Variants in ATF2 observed in about 807,000 individuals in gnomAD.
ATF2 encodes the protein cyclic AMP-dependent transcription factor ATF-2.
In ATF2, 24 loss-of-function variants were observed where a neutral mutation model predicts 60.6. That is an observed-to-expected ratio of 0.40 (90% CI 0.29 to 0.56). The LOEUF is 0.56. ATF2 is among the 20% of genes least tolerant of loss of function. The probability of loss-of-function intolerance (pLI) is 0.54; values close to 1 mark genes in which losing one functional copy is unlikely to be tolerated. For synonymous variants in ATF2, 206 were observed against 215.4 expected (o/e 0.96, Z 0.38); for missense variants, 433 against 607.7 (o/e 0.71, Z 3.02).
chr2:175,159,273 C>T (rs1034598889), intron 1 of ATF2, among the ~76,000 whole-genome samples: 4 of 151,878 alleles, frequency 2.6e-5, no homozygotes, highest in Non-Finnish European at 5.9e-5. Flanking sequence ...GAGCTGAGAA[C>T]CTACCACTGT....
At chr2:175,103,387 T>C (rs1005685464) in intron 10 of ATF2, among the ~76,000 whole-genome samples, 1 of 152,170 alleles carries the variant, frequency 6.6e-6, no homozygotes, top group Non-Finnish European at 1.5e-5. Context: ...TCAGTCCTCA[T>C]GAAATCTTGT....
At chr2:175,090,559 A>G (rs1187165128) in intron 12 of ATF2, among the ~76,000 whole-genome samples, 1 of 152,054 alleles carries the variant, frequency 6.6e-6, no homozygotes, top group East Asian at 1.9e-4. Flanking sequence ...ATCATTTTGG[A>G]TCCTATTTTA....
At chr2:175,111,114 T>C (rs1477846711) in intron 10 of ATF2, among the ~76,000 whole-genome samples, 1 of 152,078 alleles carries the variant, frequency 6.6e-6, no homozygotes. Flanking sequence ...AAAATACACA[T>C]CTAAACATTA....
intron 2 of ATF2, among the ~76,000 whole-genome samples, chr2:175,137,468 C>T (rs546071676): frequency 6.6e-6 from 1 of 152,148 alleles, no homozygotes; most frequent in Admixed American, 6.5e-5. Context: ...TTAACACCTA[C>T]AACAGCGCCT....
At chr2:175,167,180 CCT>C (rs961222135) in intron 1 of ATF2, among the ~76,000 whole-genome samples, 7 of 152,144 alleles carry the variant, frequency 4.6e-5, no homozygotes, top group African/African-American at 1.4e-4. Context: ...CCCAGCTCCT[CCT>C]CTCTTTTTCC....
At chr2:175,090,709 C>T (rs1453652501) in intron 12 of ATF2, among the ~76,000 whole-genome samples, 1 of 151,936 alleles carries the variant, frequency 6.6e-6, no homozygotes, top group African/African-American at 2.4e-5. Context: ...TAGTGATTTC[C>T]TAAATTTAGC....
At chr2:175,083,826 T>C (rs1693942428) in intron 12 of ATF2, among the ~76,000 whole-genome samples, 1 of 152,052 alleles carries the variant, frequency 6.6e-6, no homozygotes, top group Non-Finnish European at 1.5e-5. Context: ...CATCCAAAAC[T>C]GGGCAAAGGA....
chr2:175,149,082 C>T (rs996188338), intron 2 of ATF2, among the ~76,000 whole-genome samples: 1 of 152,146 alleles, frequency 6.6e-6, no homozygotes, highest in Non-Finnish European at 1.5e-5. Context: ...TTCTCATCAA[C>T]AGGATAGAAG....
intron 3 of ATF2, 77 bp downstream of exon 3, chr2:175,136,335 A>G (rs573202100): frequency 7.4e-7 from 1 of 1,359,426 alleles, no homozygotes; most frequent in Non-Finnish European, 1.0e-6. Context: ...ATACTTACCT[A>G]ATAGAAACAA....
intron 7 of ATF2, among the ~76,000 whole-genome samples, chr2:175,116,147 G>A (rs890547409): frequency 2.0e-5 from 3 of 152,066 alleles, no homozygotes; most frequent in Non-Finnish European, 4.4e-5. Context: ...TTAAGCAGGT[G>A]ACATATTTAA....
At chr2:175,085,594 ACAC>A (rs1694113353) in intron 12 of ATF2, among the ~76,000 whole-genome samples, 1 of 134,474 alleles carries the variant, frequency 7.4e-6, no homozygotes. Context: ...ACACACACAC[ACAC>A]AAATTCTCTC....
chr2:175,165,190 A>C (rs2105381477), intron 1 of ATF2, among the ~76,000 whole-genome samples: 1 of 152,300 alleles, frequency 6.6e-6, no homozygotes, highest in Non-Finnish European at 1.5e-5. Flanking sequence ...ATATGCATTG[A>C]CTTTTATAAA....
intron 2 of ATF2, among the ~76,000 whole-genome samples, chr2:175,140,294 TC>T (rs1698413699): frequency 6.6e-6 from 1 of 152,224 alleles, no homozygotes; most frequent in African/African-American, 2.4e-5. Flanking sequence ...ACAATGGCAT[TC>T]TTAAGCGAAT....
In ATF2 at chr2:175,108,086, G is replaced by A. The variant is rs986676465; in HGVS notation, c.828+3482C>T. Among the ~76,000 whole-genome samples the A allele has an allele frequency of 2.6e-4, 39 of 148,098 alleles. 1 individual carries two copies. The highest frequency in any genetic ancestry group is 7.5e-4 in the African/African-American group (30 of 39,942). The stretch of plus-strand genomic sequence containing the variant: ...CTGCCCAGTCTGGGAAGTGAGGAGC[G>A]CCTCTTCCCGGCCGCCATCCCATCT... On this transcript the variant is annotated intron_variant, in intron 10 of 13. Transcript: ENST00000264110.
intron 2 of ATF2, among the ~76,000 whole-genome samples, chr2:175,144,036 C>T (rs900136532): frequency 4.6e-5 from 7 of 152,148 alleles, no homozygotes; most frequent in African/African-American, 1.7e-4. Context: ...TCAAGCCATC[C>T]TCCTGCCTCA....
In ATF2 at chr2:175,093,249, T is replaced by C. The variant is rs746533020; in HGVS notation, c.997A>G (p.Thr333Ala). The C allele has an allele frequency of 2.2e-5, 36 of 1,613,926 alleles. No homozygotes were observed. The South Asian group carries it at 3.6e-4, about 16-fold the overall frequency. Reference protein sequence around the residue: ...TETPASPAHTTPQTQSTSGRR... With the variant: ...TETPASPAHTAPQTQSTSGRR... Reference sequence around the variant, plus strand: ...CCACTTGTACTTTGGGTCTGTGGAGTTGTGTGAGCTGGAGAAGCCTATTAT... The same window carrying C: ...CCACTTGTACTTTGGGTCTGTGGAGCTGTGTGAGCTGGAGAAGCCTATTAT... Residue 333 changes from threonine (T) to alanine (A), a missense_variant, in exon 12 of 14, where the codon ACT (threonine) becomes GCT (alanine). Physicochemically the swap from Thr to Ala is moderately conservative, Grantham distance 58. Coordinates refer to ENST00000264110, the MANE Select transcript of ATF2 (RefSeq NM_001880.4).
intron 10 of ATF2, among the ~76,000 whole-genome samples, chr2:175,108,528 C>A (rs1212782892): frequency 2.0e-5 from 3 of 150,142 alleles, no homozygotes; most frequent in South Asian, 4.2e-4. Context: ...AGCCCCCGCC[C>A]GGCCAGCCGC....
intron 1 of ATF2, among the ~76,000 whole-genome samples, chr2:175,157,347 G>A (rs1326097474): frequency 6.6e-6 from 1 of 151,934 alleles, no homozygotes; most frequent in African/African-American, 2.4e-5. Context: ...TATCTATGCA[G>A]TCTATCTACA....
intron 1 of ATF2, among the ~76,000 whole-genome samples, chr2:175,165,383 A>G (rs1286881627): frequency 6.6e-6 from 1 of 152,238 alleles, no homozygotes; most frequent in Non-Finnish European, 1.5e-5. Flanking sequence ...AAGAGCCTTT[A>G]GACAAAATTA....
Sources: allele counts gnomAD v4.1 joint callset (sites outside exome capture counted in the v4.1 genomes callset), GRCh38; gene constraint gnomAD v4.1.1; transcripts MANE v1.5; gene names NCBI Gene and HGNC (gene_info 2026-07-23, HGNC 2026-07-21).